The following SYT14 variants were observed in gnomAD, a reference collection of about 807,000 sequenced individuals.
SYT14 encodes the protein synaptotagmin-14.
A neutral mutation model predicts 74.2 loss-of-function variants in SYT14; 32 were observed. That is an observed-to-expected ratio of 0.43 (90% CI 0.33 to 0.58). SYT14 has a LOEUF of 0.58. Among genes scored for constraint, SYT14 ranks in the 20% least tolerant of loss-of-function variants. The pLI is 0.05. For missense variants in SYT14, 791 were observed against 981.8 expected (o/e 0.81, Z 2.60); for synonymous variants, 298 against 337.7 (o/e 0.88, Z 1.29).
chr1:210,157,952 C>A (rs964594255), intron 8 of SYT14, among the ~76,000 whole-genome samples: 1 of 151,980 alleles, frequency 6.6e-6, no homozygotes, highest in African/African-American at 2.4e-5. Context: ...GGTGTCTATC[C>A]CTGACTTAAA....
At chr1:210,135,792 A>G (rs756173077) in intron 7 of SYT14, among the ~76,000 whole-genome samples, 1 of 152,214 alleles carries the variant, frequency 6.6e-6, no homozygotes, top group South Asian at 2.1e-4. Flanking sequence ...AAGTTTTGCT[A>G]TAGAAAACTA....
intron 5 of SYT14, among the ~76,000 whole-genome samples, chr1:210,024,912 C>A (rs769134764): frequency 6.6e-6 from 1 of 150,966 alleles, no homozygotes; most frequent in Non-Finnish European, 1.5e-5. Flanking sequence ...TTCAGATAAA[C>A]CCCTTTGTCC....
chr1:210,062,769 C>T (rs189401852), intron 5 of SYT14, among the ~76,000 whole-genome samples: 1 of 151,962 alleles, frequency 6.6e-6, no homozygotes. Context: ...TCCAACTATA[C>T]ATTTTTCCTA....
intron 7 of SYT14, among the ~76,000 whole-genome samples, chr1:210,121,650 C>T (rs1444742958): frequency 1.3e-5 from 2 of 151,862 alleles, no homozygotes; most frequent in Non-Finnish European, 2.9e-5. Context: ...AAAAATTAGC[C>T]AGGCGTGGTG....
At chr1:210,152,883 TG>T (rs2083193998) in intron 7 of SYT14, among the ~76,000 whole-genome samples, 1 of 152,068 alleles carries the variant, frequency 6.6e-6, no homozygotes, top group African/African-American at 2.4e-5. Flanking sequence ...TTTTTTTGTT[TG>T]TTTTTTTTAC....
In SYT14 at chr1:210,070,532, G is replaced by T. The variant is rs116283240; in HGVS notation, c.1313-23790G>T. 5.2e-3 allele frequency among the ~76,000 whole-genome samples: 799 copies of T among 152,198 alleles called. 3 individuals carry two copies. Among genetic ancestry groups the T allele is most frequent in the Non-Finnish European group, 8.3e-3 (562 of 67,970 alleles). ...CTCAGGTTTCTGCTCTCCCTGTTCA[G>T]TGTTCTTTATTGATTTTCCCTTTCC... On this transcript the variant is annotated intron_variant, in intron 5 of 9. Coordinates refer to ENST00000637265, the Ensembl canonical transcript of SYT14.
intron 7 of SYT14, among the ~76,000 whole-genome samples, chr1:210,114,646 A>C (rs2082324308): frequency 6.6e-6 from 1 of 151,228 alleles, no homozygotes; most frequent in Admixed American, 6.6e-5. Context: ...CCTAAACGCT[A>C]ACTGATATGG....
chr1:209,952,973 T>C lies in SYT14; in HGVS notation c.-486+217T>C, dbSNP rs1420362830. The stretch of plus-strand genomic sequence containing the variant: ...TTTATATTTAGTTTTGATGGGCTAA[T>C]AAAGCCTGGTTTCTAGCATATTGGT... On this transcript the variant is annotated intron_variant, in intron 2 of 9. Transcript: ENST00000637265. 9.6e-6 allele frequency: 13 copies of C among 1,354,184 alleles called. No homozygotes were observed. In the East Asian group the frequency reaches 3.3e-4, roughly 34 times the overall value. 83.9% of individuals were successfully genotyped at this position (1,354,184 alleles called of 1,614,324 possible).
chr1:210,132,570 TGTGTGTGTGTG>T (rs1558211512), intron 7 of SYT14, among the ~76,000 whole-genome samples: 5 of 139,536 alleles, frequency 3.6e-5, no homozygotes, highest in South Asian at 4.4e-4. Flanking sequence ...TTATATATTG[TGTGTGTGTGTG>T]TGTGTGTGTG....
Position 210,094,610 on chromosome 1 carries a change from A to G in SYT14, c.1584+17A>G, listed in dbSNP as rs1387904193. ...AGCCCTGAAGTAAGTAAAAGCACATAGAAGTTTGAAAATGAATGTTATTTG... is the reference window on the plus strand; with the variant it reads ...AGCCCTGAAGTAAGTAAAAGCACATGGAAGTTTGAAAATGAATGTTATTTG... On this transcript the variant is annotated intron_variant, in intron 6 of 9. Coordinates refer to ENST00000637265, the Ensembl canonical transcript of SYT14. 7 of 1,613,372 alleles carry G rather than the reference A, an allele frequency of 4.3e-6. No individual in the cohort carries two copies. The highest frequency in any genetic ancestry group is 1.3e-5 in the African/African-American group (1 of 74,918).
At chr1:210,041,287 G>A (rs556841955) in intron 5 of SYT14, among the ~76,000 whole-genome samples, 5 of 152,298 alleles carry the variant, frequency 3.3e-5, no homozygotes, top group South Asian at 2.1e-4. Context: ...AGTCTTTGTG[G>A]TGTTCAGCAG....
intron 9 of SYT14, among the ~76,000 whole-genome samples, chr1:210,160,478 C>A (rs1471170416): frequency 6.6e-6 from 1 of 151,974 alleles, no homozygotes; most frequent in Non-Finnish European, 1.5e-5. Context: ...CCTTTAAATT[C>A]TAACTATTAC....
intron 6 of SYT14, among the ~76,000 whole-genome samples, chr1:210,098,429 G>A (rs1299523815): frequency 6.6e-6 from 1 of 152,144 alleles, no homozygotes; most frequent in Non-Finnish European, 1.5e-5. Context: ...CAGGAACCCA[G>A]TTCCTTCTCT....
chr1:210,019,380 A>G (rs2080257097), intron 4 of SYT14, among the ~76,000 whole-genome samples: 2 of 152,162 alleles, frequency 1.3e-5, no homozygotes, highest in Admixed American at 6.6e-5. Context: ...ATTTTCTGCA[A>G]CAATGAAAAA....
intron 2 of SYT14, among the ~76,000 whole-genome samples, chr1:209,996,052 C>G (rs948875555): frequency 6.6e-6 from 1 of 151,950 alleles, no homozygotes; most frequent in Admixed American, 6.6e-5. Context: ...AGCAATCTAC[C>G]CTTGCACCTA....
intron 5 of SYT14, among the ~76,000 whole-genome samples, chr1:210,053,740 C>T (rs992310439): frequency 1.3e-5 from 2 of 152,090 alleles, no homozygotes; most frequent in Non-Finnish European, 2.9e-5. Flanking sequence ...AATCTAGAGC[C>T]GTTAACTGTT....
chr1:210,076,816 G>A (rs2081509838), intron 5 of SYT14, among the ~76,000 whole-genome samples: 1 of 152,080 alleles, frequency 6.6e-6, no homozygotes, highest in African/African-American at 2.4e-5. Flanking sequence ...CAGCACCAAG[G>A]GGAATGTGCC....
intron 2 of SYT14, among the ~76,000 whole-genome samples, chr1:209,962,228 C>T (rs1195753242): frequency 6.6e-6 from 1 of 151,166 alleles, no homozygotes; most frequent in African/African-American, 2.4e-5. Flanking sequence ...CTTATTTATG[C>T]CATTTTCGTT....
chr1:209,980,439 C>A (rs1212073737), intron 2 of SYT14, among the ~76,000 whole-genome samples: 1 of 152,120 alleles, frequency 6.6e-6, no homozygotes, highest in Non-Finnish European at 1.5e-5. Context: ...TGCACAGAAG[C>A]TCTTTAGTTT....
Sources: gnomAD v4.1 joint callset for allele counts (sites outside exome capture counted in the v4.1 genomes callset) on GRCh38, gnomAD v4.1.1 for gene constraint, MANE v1.5 for transcripts, NCBI Gene and HGNC (gene_info 2026-07-23, HGNC 2026-07-21) for gene names.